Variants in MMRN1 observed in about 807,000 individuals in gnomAD.
MMRN1 encodes multimerin 1, also known as multimerin-1.
Under a neutral mutation model 100.7 loss-of-function variants are expected in MMRN1, and 94 were observed. The ratio of observed to expected loss-of-function variants is 0.93; its 90% CI spans 0.79 to 1.11. The LOEUF (loss-of-function observed/expected upper bound fraction) is 1.11, where lower values mean the gene tolerates loss of function less well. Among genes scored for constraint, MMRN1 ranks in the 50% least tolerant of loss-of-function variants. The pLI, the probability that MMRN1 is intolerant of heterozygous loss-of-function variation, is 0.00. For missense variants in MMRN1, 1,606 were observed against 1,439.1 expected (o/e 1.12, Z -1.88); for synonymous variants, 575 against 505.0 (o/e 1.14, Z -1.86).
chr4:89,936,206 T>C lies in MMRN1; in HGVS notation c.2526T>C (p.Ser842=), dbSNP rs548245722. The stretch of plus-strand genomic sequence containing the variant: ...TGAGAAAATACCAGCAAAATATGAG[T>C]CATTTGGAAGAAAAACTACTCTTAA... The part of the protein sequence containing the change: ...SQVRKYQQNM[S]HLEEKLLLTT... The change falls in exon 6 of 8, where the codon AGT becomes AGC. Residue 842 remains serine (S), a synonymous_variant. Coordinates refer to ENST00000264790, the MANE Select transcript of MMRN1 (RefSeq NM_007351.3). The C allele has an allele frequency of 6.2e-7, 1 of 1,605,306 alleles. No individual in the cohort carries two copies. The highest frequency in any genetic ancestry group is 8.5e-7 in the Non-Finnish European group (1 of 1,177,694).
At chr4:89,916,369 A>C (rs1189268111) in intron 3 of MMRN1, among the ~76,000 whole-genome samples, 1 of 147,448 alleles carries the variant, frequency 6.8e-6, no homozygotes, top group Non-Finnish European at 1.5e-5. Context: ...ATTCTGAAAA[A>C]AAAAAAACAA....
At chr4:89,906,563 G>A (rs996536043) in intron 1 of MMRN1, among the ~76,000 whole-genome samples, 13 of 151,490 alleles carry the variant, frequency 8.6e-5, no homozygotes, top group Non-Finnish European at 1.9e-4. Context: ...AGGTACAAAG[G>A]ATTACTAGGT....
chr4:89,892,021 T>C (rs1311873220), upstream of MMRN1, among the ~76,000 whole-genome samples: 1 of 151,924 alleles, frequency 6.6e-6, no homozygotes, highest in African/African-American at 2.4e-5. Context: ...TTTAACTTAA[T>C]AATCTTTTTT....
At position 89,936,489 on chromosome 4, in the gene MMRN1, A is replaced by G; in HGVS notation, c.2809A>G (p.Ser937Gly). The change falls in exon 6 of 8, where the codon AGT becomes GGT. Residue 937 changes from serine to glycine, a missense_variant. By Grantham distance (56) the Ser-to-Gly change is moderately conservative. Transcript: ENST00000264790. ...VLTMCHNAST[S>G]VSELNATIPK... ...AACAATGTGTCACAATGCTTCTACA[A>G]GTGTGTCAGAACTGAATGCTACCAT... 1.2e-6 allele frequency: 2 copies of G among 1,613,226 alleles called. No homozygotes were observed. Among genetic ancestry groups the G allele is most frequent in the Non-Finnish European group, 1.7e-6 (2 of 1,179,656 alleles).
chr4:89,925,302 A>ATT (rs1176427401), intron 4 of MMRN1, among the ~76,000 whole-genome samples: 2,322 of 101,970 alleles, frequency 0.023, 127 homozygotes, highest in Non-Finnish European at 0.029. Context: ...TGCCTGGTTA[A>ATT]TTTTTTTTTT....
At chr4:89,938,148 T>C (rs1215708401) in intron 6 of MMRN1, among the ~76,000 whole-genome samples, 1 of 151,920 alleles carries the variant, frequency 6.6e-6, no homozygotes, top group Non-Finnish European at 1.5e-5. Flanking sequence ...TTTGATAATA[T>C]TAAAAATAAC....
chr4:89,934,332 C>T (rs897359871), intron 5 of MMRN1, among the ~76,000 whole-genome samples: 2 of 151,848 alleles, frequency 1.3e-5, no homozygotes, highest in African/African-American at 4.8e-5. Context: ...AAGGTTTTTC[C>T]CTGCAGTCAA....
chr4:89,926,526 T>C (rs1162178172), intron 4 of MMRN1, among the ~76,000 whole-genome samples: 1 of 152,226 alleles, frequency 6.6e-6, no homozygotes, highest in East Asian at 1.9e-4. Context: ...TTTTGATTAT[T>C]AGTCCCTTGT....
At chr4:89,886,099 C>A (rs1252953895) in intron 1 of MMRN1, among the ~76,000 whole-genome samples, 1 of 148,864 alleles carries the variant, frequency 6.7e-6, no homozygotes, top group Admixed American at 6.7e-5. Context: ...CCACATTTCC[C>A]ATGCTGGTCT....
At chr4:89,890,009 GATTTTC>G (rs1427679047), upstream of MMRN1, among the ~76,000 whole-genome samples, 3 of 151,954 alleles carry the variant, frequency 2.0e-5, no homozygotes, top group Non-Finnish European at 2.9e-5. Flanking sequence ...TGAAGCTACT[GATTTTC>G]ATTCTTTTCT....
chr4:89,939,328 C>T (rs1722751659), intron 6 of MMRN1, among the ~76,000 whole-genome samples: 2 of 151,914 alleles, frequency 1.3e-5, no homozygotes, highest in Admixed American at 1.3e-4. Flanking sequence ...CCATCATTTG[C>T]AAAATAAGTA....
rs551505396 is a variant in MMRN1, at chr4:89,924,193, G to A, written c.955+921G>A. Among the ~76,000 whole-genome samples, 121 of 152,232 alleles carry A rather than the reference G, an allele frequency of 7.9e-4. 1 individual carries two copies. Among genetic ancestry groups the A allele is most frequent in the African/African-American group, 2.5e-3 (102 of 41,536 alleles). On this transcript the variant is annotated intron_variant, in intron 4 of 7. Coordinates refer to ENST00000264790, the MANE Select transcript of MMRN1 (RefSeq NM_007351.3). ...TCTAGCTGCATATTTTAAATGCTGA[G>A]GTATTGAATTTGGAAGCAGAAGATG...
chr4:89,886,080 G>A (rs1413489194), intron 1 of MMRN1, among the ~76,000 whole-genome samples: 1 of 136,286 alleles, frequency 7.3e-6, no homozygotes, highest in African/African-American at 2.8e-5. Flanking sequence ...TAGTAGACGT[G>A]GGGTTTTGCC....
At chr4:89,947,169 C>G (rs1723014183) in intron 6 of MMRN1, among the ~76,000 whole-genome samples, 1 of 152,170 alleles carries the variant, frequency 6.6e-6, no homozygotes. Context: ...GTAGTCCCAG[C>G]TACTTGGGAG....
intron 6 of MMRN1, among the ~76,000 whole-genome samples, chr4:89,942,399 G>T (rs1362003051): frequency 1.3e-5 from 2 of 152,082 alleles, no homozygotes; most frequent in Admixed American, 6.6e-5. Context: ...AAGGAAGGTG[G>T]CAGGATTATT....
chr4:89,915,173 A>G (rs1220546116), intron 3 of MMRN1, among the ~76,000 whole-genome samples: 1 of 151,666 alleles, frequency 6.6e-6, no homozygotes, highest in African/African-American at 2.4e-5. Flanking sequence ...CTCCTCCAGC[A>G]GGAGTATTTT....
intron 6 of MMRN1, among the ~76,000 whole-genome samples, chr4:89,950,002 T>C (rs1319399742): frequency 6.6e-6 from 1 of 152,210 alleles, no homozygotes; most frequent in South Asian, 2.1e-4. Flanking sequence ...CTGTGGCAAG[T>C]AGTATAAGCG....
upstream of MMRN1, among the ~76,000 whole-genome samples, chr4:89,890,808 C>G (rs1322039143): frequency 1.3e-5 from 2 of 151,944 alleles, no homozygotes; most frequent in African/African-American, 4.8e-5. Context: ...GGCATTTGGT[C>G]ATCTTTATCA....
At position 89,888,541 on chromosome 4, in the gene MMRN1, C is replaced by T. The variant is rs11930346; in HGVS notation, c.-248-6183C>T. Among the ~76,000 whole-genome samples, 1,036 of 151,206 alleles carry T rather than the reference C, an allele frequency of 6.9e-3. 12 individuals are homozygous for T. Among genetic ancestry groups the T allele is most frequent in the African/African-American group, 0.024 (998 of 41,242 alleles). ...AAAATTATCTTTTGTCCTATTTAGT[C>T]TCTCTTTTCTTCTTTATTCCCTCCA... On this transcript the variant is annotated intron_variant, in intron 1 of 8. Coordinates refer to the MMRN1 transcript ENST00000394980.
Sources: gnomAD v4.1 joint callset for allele counts (sites outside exome capture counted in the v4.1 genomes callset) on GRCh38, gnomAD v4.1.1 for gene constraint, MANE v1.5 for transcripts, NCBI Gene and HGNC (gene_info 2026-07-23, HGNC 2026-07-21) for gene names.